CSMD1: variants seen among roughly 807,000 people sequenced by gnomAD.
The protein encoded by CSMD1 is CUB and Sushi multiple domains 1.
CSMD1 carries 213 observed loss-of-function variants against 417.5 expected under a neutral mutation model. That is an observed-to-expected ratio of 0.51 (90% CI 0.46 to 0.57). The LOEUF is 0.57. Among genes scored for constraint, CSMD1 ranks in the 20% least tolerant of loss-of-function variants. The pLI, the probability that CSMD1 is intolerant of heterozygous loss-of-function variation, is 0.00. For synonymous variants in CSMD1, 2,862 were observed against 1,736.8 expected, an observed-to-expected ratio of 1.65 and a Z score of -16.11; for missense variants, 6,923 against 4,529.7, an observed-to-expected ratio of 1.53 and a Z score of -15.17.
At chr8:4,485,366 T>G (rs749978445) in intron 2 of CSMD1, among the ~76,000 whole-genome samples, 2 of 152,164 alleles carry the variant, frequency 1.3e-5, no homozygotes, top group African/African-American at 4.8e-5. Context: ...TCACTTGAGT[T>G]AACACCAAAT....
At chr8:4,920,214 G>T (rs1233329072) in intron 1 of CSMD1, among the ~76,000 whole-genome samples, 1 of 152,052 alleles carries the variant, frequency 6.6e-6, no homozygotes, top group Non-Finnish European at 1.5e-5. Flanking sequence ...AACAGGACAG[G>T]ATCTTCACCC....
intron 1 of CSMD1, among the ~76,000 whole-genome samples, chr8:4,662,410 G>C (rs967662594): frequency 6.6e-6 from 1 of 152,148 alleles, no homozygotes; most frequent in Admixed American, 6.5e-5. Flanking sequence ...TCTACAAAAA[G>C]ACCACATTGA....
At chr8:3,223,622 C>T in intron 28 of CSMD1, 107 bp downstream of exon 28, 1 of 1,132,366 alleles carries the variant, frequency 8.8e-7, no homozygotes, top group South Asian at 1.5e-5. Flanking sequence ...CAAAATCTAG[C>T]ACTTACCTAG....
At chr8:4,436,771 A>G (rs991018659) in intron 2 of CSMD1, among the ~76,000 whole-genome samples, 1 of 152,134 alleles carries the variant, frequency 6.6e-6, no homozygotes, top group African/African-American at 2.4e-5. Flanking sequence ...ATCATGTGAT[A>G]TTTCTCTTTC....
intron 1 of CSMD1, among the ~76,000 whole-genome samples, chr8:4,752,036 A>T (rs1811365964): frequency 2.0e-5 from 3 of 152,204 alleles, no homozygotes; most frequent in Admixed American, 6.5e-5. Flanking sequence ...AAATATGTAT[A>T]TGCAAACTGT....
intron 5 of CSMD1, among the ~76,000 whole-genome samples, chr8:3,961,545 C>T (rs1427377615): frequency 1.3e-5 from 2 of 152,158 alleles, no homozygotes; most frequent in Admixed American, 1.3e-4. Flanking sequence ...GGAAATCTAT[C>T]CTAGGCAGAA....
intron 3 of CSMD1, among the ~76,000 whole-genome samples, chr8:4,155,850 A>C (rs1399563480): frequency 6.6e-6 from 1 of 152,186 alleles, no homozygotes; most frequent in Non-Finnish European, 1.5e-5. Context: ...ATAAGGCAAA[A>C]TGAAACAACA....
intron 3 of CSMD1, among the ~76,000 whole-genome samples, chr8:4,220,958 C>A (rs913563323): frequency 6.6e-6 from 1 of 152,140 alleles, no homozygotes. Context: ...CGGTTGAGTG[C>A]GCAGGCGCCC....
chr8:3,108,311 G>C (rs140014779), intron 44 of CSMD1, among the ~76,000 whole-genome samples: 526 of 152,172 alleles, frequency 3.5e-3, no homozygotes, highest in Admixed American at 6.0e-3. Flanking sequence ...CTTGAGACAG[G>C]GATGAGTAAA....
chr8:3,900,128 C>T (rs762586632), intron 5 of CSMD1, among the ~76,000 whole-genome samples: 5 of 150,700 alleles, frequency 3.3e-5, no homozygotes, highest in Non-Finnish European at 5.9e-5. Context: ...CTGGGTGACA[C>T]TGCAGCTGGG....
chr8:4,140,279 T>G (rs964603744), intron 3 of CSMD1, among the ~76,000 whole-genome samples: 14 of 150,882 alleles, frequency 9.3e-5, no homozygotes, highest in Non-Finnish European at 1.9e-4. Flanking sequence ...GGTGGATCAC[T>G]TGAGGTCAGG....
intron 1 of CSMD1, among the ~76,000 whole-genome samples, chr8:4,961,955 T>C (rs1563878456): frequency 6.6e-6 from 1 of 152,092 alleles, no homozygotes; most frequent in Non-Finnish European, 1.5e-5. Context: ...TGTCTGCAGA[T>C]ATTTCTTGTC....
intron 10 of CSMD1, among the ~76,000 whole-genome samples, chr8:3,568,454 T>C (rs1352417044): frequency 6.6e-6 from 1 of 152,186 alleles, no homozygotes; most frequent in African/African-American, 2.4e-5. Context: ...ATCAGTAAGA[T>C]GTACTAACGT....
chr8:3,266,967 C>G (rs546736669), intron 26 of CSMD1, among the ~76,000 whole-genome samples: 67 of 152,120 alleles, frequency 4.4e-4, no homozygotes, highest in African/African-American at 1.5e-3. Context: ...AAATTTTGCT[C>G]TAAAAGGAGA....
chr8:4,256,150 G>C (rs1231300447), intron 3 of CSMD1, among the ~76,000 whole-genome samples: 3 of 152,164 alleles, frequency 2.0e-5, no homozygotes, highest in Admixed American at 1.3e-4. Context: ...TCACTATGTA[G>C]CCTGCCAGAG....
intron 2 of CSMD1, among the ~76,000 whole-genome samples, chr8:4,536,993 C>T (rs1463082797): frequency 1.3e-5 from 2 of 152,088 alleles, no homozygotes; most frequent in Non-Finnish European, 2.9e-5. Context: ...TTTCTCTTAA[C>T]ATATCATACA....
chr8:3,424,475 T>A (rs2116991303), intron 12 of CSMD1, among the ~76,000 whole-genome samples: 1 of 152,356 alleles, frequency 6.6e-6, no homozygotes, highest in Middle Eastern at 3.4e-3. Context: ...TGCGAATATG[T>A]GTAACTTAAT....
At chr8:4,911,910 T>C (rs2117093278) in intron 1 of CSMD1, among the ~76,000 whole-genome samples, 1 of 152,040 alleles carries the variant, frequency 6.6e-6, no homozygotes, top group South Asian at 2.1e-4. Flanking sequence ...ACTAGACAGG[T>C]ATTTTGTGGC....
intron 1 of CSMD1, among the ~76,000 whole-genome samples, chr8:4,714,244 G>C (rs984032442): frequency 9.9e-5 from 15 of 152,160 alleles, no homozygotes; most frequent in Non-Finnish European, 1.9e-4. Flanking sequence ...ACCTCCCTGA[G>C]AGTCAGCAGA....
Sources: gnomAD v4.1 joint callset for allele counts (sites outside exome capture counted in the v4.1 genomes callset) on GRCh38, gnomAD v4.1.1 for gene constraint, MANE v1.5 for transcripts, NCBI Gene and HGNC (gene_info 2026-07-23, HGNC 2026-07-21) for gene names.